The following DRD2 variants were observed in gnomAD, a reference collection of about 807,000 sequenced individuals.
DRD2 encodes D(2) dopamine receptor.
In DRD2, 8 loss-of-function variants were observed where a neutral mutation model predicts 38.0. The observed-to-expected ratio is 0.21, with a 90% confidence interval of 0.12 to 0.38. The LOEUF is 0.38. Among genes scored for constraint, DRD2 ranks in the 10% least tolerant of loss-of-function variants. DRD2 has a pLI of 1.00. For synonymous variants in DRD2, 230 were observed against 238.6 expected (o/e 0.96, Z 0.33); for missense variants, 403 against 607.7 (o/e 0.66, Z 3.54).
At chr11:113,444,630 C>T (rs1419069065) in intron 1 of DRD2, among the ~76,000 whole-genome samples, 1 of 152,220 alleles carries the variant, frequency 6.6e-6, no homozygotes, top group Non-Finnish European at 1.5e-5. Flanking sequence ...GTCTTTTACA[C>T]TCCATGGGCC....
At chr11:113,425,636 G>C (rs909933237) in intron 1 of DRD2, among the ~76,000 whole-genome samples, 1 of 152,018 alleles carries the variant, frequency 6.6e-6, no homozygotes, top group Middle Eastern at 3.2e-3. Flanking sequence ...ACACCAACTG[G>C]GAGGCTGTAG....
chr11:113,430,230 C>T (rs993998779), intron 1 of DRD2, among the ~76,000 whole-genome samples: 13 of 152,138 alleles, frequency 8.5e-5, no homozygotes, highest in Admixed American at 3.9e-4. Context: ...CTCAAGTGAC[C>T]CTTGAGATGA....
intron 1 of DRD2, among the ~76,000 whole-genome samples, chr11:113,451,533 C>T (rs545448728): frequency 8.6e-5 from 13 of 151,842 alleles, no homozygotes; most frequent in Non-Finnish European, 1.3e-4. Context: ...GCTCTGTCAC[C>T]CAGGCTGGAG....
chr11:113,454,605 T>C (rs1408977097), intron 1 of DRD2, among the ~76,000 whole-genome samples: 2 of 152,148 alleles, frequency 1.3e-5, no homozygotes, highest in East Asian at 1.9e-4. Context: ...CAGAAAAGCT[T>C]CACTCTCTAC....
At chr11:113,468,107 ATGTCT>A (rs1951387628) in intron 1 of DRD2, among the ~76,000 whole-genome samples, 1 of 152,202 alleles carries the variant, frequency 6.6e-6, no homozygotes, top group Admixed American at 6.5e-5. Flanking sequence ...ACTCTTTCAA[ATGTCT>A]TGTCTCTATT....
chr11:113,433,428 G>A (rs1449918222), intron 1 of DRD2, among the ~76,000 whole-genome samples: 1 of 152,180 alleles, frequency 6.6e-6, no homozygotes, highest in Non-Finnish European at 1.5e-5. Context: ...CTAGGCTGGG[G>A]GATACCCGTT....
intron 1 of DRD2, among the ~76,000 whole-genome samples, chr11:113,458,676 C>T (rs1419099554): frequency 2.6e-5 from 4 of 152,166 alleles, no homozygotes; most frequent in Non-Finnish European, 5.9e-5. Flanking sequence ...TGTGTGTACA[C>T]ATTTGCATAT....
intron 1 of DRD2, among the ~76,000 whole-genome samples, chr11:113,441,950 A>T (rs1186870558): frequency 2.1e-5 from 3 of 144,694 alleles, no homozygotes. Context: ...TCTGTCTCCA[A>T]AAAAAAAAAA....
At chr11:113,445,483 T>C (rs1336556303) in intron 1 of DRD2, among the ~76,000 whole-genome samples, 1 of 152,196 alleles carries the variant, frequency 6.6e-6, no homozygotes, top group East Asian at 1.9e-4. Context: ...GGTATCTGTG[T>C]GAAGGGGCTG....
rs201316581 is a variant in DRD2 at position 113,415,403 on chromosome 11, TG to T, written c.723+17del. The T allele has an allele frequency of 1.4e-5, 23 of 1,603,700 alleles. No individual in the cohort carries two copies. The highest frequency in any genetic ancestry group is 8.5e-7 in the Non-Finnish European group (1 of 1,173,826). ...TTAGGTGGGGACCCTTGGAGTTGGT[TG>T]GGGGGTGTCTTGAGACCTTTAGTGG... On this transcript the variant is annotated intron_variant, in intron 5 of 7. Transcript: ENST00000362072.
At chr11:113,461,851 G>C (rs551543315) in intron 1 of DRD2, among the ~76,000 whole-genome samples, 4 of 152,250 alleles carry the variant, frequency 2.6e-5, no homozygotes, top group Middle Eastern at 3.4e-3. Flanking sequence ...AGCAATTCCT[G>C]AGTTTCTTAT....
At chr11:113,443,402 G>A (rs4245145) in intron 1 of DRD2, among the ~76,000 whole-genome samples, 141,138 of 152,252 alleles carry the variant, frequency 0.93, 66,369 homozygotes, top group East Asian at 1. Context: ...TTGCTCCTGG[G>A]GTATCCAGCG....
Position 113,412,554 on chromosome 11 carries a change from A to G in DRD2, c.1138+2T>C. 6.2e-7 allele frequency: 1 copy of G among 1,611,850 alleles called. No individual in the cohort carries two copies. The highest frequency in any genetic ancestry group is 8.5e-7 in the Non-Finnish European group (1 of 1,180,018). The stretch of plus-strand genomic sequence containing the variant: ...TGTGGCCAGCAGCCAGGGCCGACTC[A>G]CCGAGAACAATGGCGAGCATCTGAG... On this transcript the variant is annotated splice_donor_variant, in intron 7 of 7. Transcript: ENST00000362072. LOFTEE classifies it high-confidence loss of function.
chr11:113,461,149 G>T (rs1309627181), intron 1 of DRD2, among the ~76,000 whole-genome samples: 1 of 152,342 alleles, frequency 6.6e-6, no homozygotes, highest in Admixed American at 6.5e-5. Context: ...GCTAAGACAG[G>T]CCTGTTGGAA....
At chr11:113,424,964 A>G (rs2138180950) in intron 1 of DRD2, 4 of 435,384 alleles carry the variant, frequency 9.2e-6, no homozygotes. Context: ...TTCAACAAAC[A>G]CTTCTTAAGC....
At chr11:113,452,435 CGTGTGT>C (rs759448996) in intron 1 of DRD2, among the ~76,000 whole-genome samples, 2,232 of 130,364 alleles carry the variant, frequency 0.017, 63 homozygotes, top group African/African-American at 0.061. Context: ...GGTGTGCATG[CGTGTGT>C]GTGTGTGTGT....
At chr11:113,426,296 C>A (rs1234129345) in intron 1 of DRD2, among the ~76,000 whole-genome samples, 1 of 151,980 alleles carries the variant, frequency 6.6e-6, no homozygotes, top group Non-Finnish European at 1.5e-5. Flanking sequence ...GAAAAGGGAC[C>A]AGAGGGGCTC....
chr11:113,461,248 T>C (rs914049467), intron 1 of DRD2, among the ~76,000 whole-genome samples: 1 of 152,238 alleles, frequency 6.6e-6, no homozygotes, highest in African/African-American at 2.4e-5. Context: ...CCTTACAGAC[T>C]GGCCAGCTGG....
intron 2 of DRD2, 24 bp from the exon 3 acceptor site, chr11:113,418,160 A>G (rs765191561): frequency 6.3e-7 from 1 of 1,590,816 alleles, no homozygotes; most frequent in South Asian, 1.1e-5. Flanking sequence ...AACATAATGG[A>G]TGGACAGCAG....
Sources: gnomAD v4.1 joint callset for allele counts (sites outside exome capture counted in the v4.1 genomes callset) on GRCh38, gnomAD v4.1.1 for gene constraint, MANE v1.5 for transcripts, NCBI Gene and HGNC (gene_info 2026-07-23, HGNC 2026-07-21) for gene names.